Variants in SGCZ observed in about 807,000 individuals in gnomAD.
SGCZ encodes zeta-sarcoglycan.
In SGCZ, 40 loss-of-function variants were observed where a neutral mutation model predicts 41.3. The observed-to-expected ratio is 0.97, with a 90% CI of 0.75 to 1.26. The LOEUF is 1.26. SGCZ is among the 50% of genes most tolerant of loss of function. SGCZ has a pLI of 0.00. For synonymous variants in SGCZ, 206 were observed against 137.5 expected (o/e 1.50, Z -3.49); for missense variants, 552 against 369.8 (o/e 1.49, Z -4.04).
At chr8:15,090,241 T>G (rs1806107606) in intron 1 of SGCZ, among the ~76,000 whole-genome samples, 1 of 152,214 alleles carries the variant, frequency 6.6e-6, no homozygotes, top group Admixed American at 6.5e-5. Context: ...ATCTGAAAGT[T>G]TTAAGACATG....
At chr8:14,904,394 T>C (rs955397170) in intron 1 of SGCZ, among the ~76,000 whole-genome samples, 7 of 152,072 alleles carry the variant, frequency 4.6e-5, no homozygotes, top group Admixed American at 2.6e-4. Context: ...CAGTTCAATA[T>C]AGCACGCAAA....
At chr8:14,626,627 A>G (rs1182511931) in intron 1 of SGCZ, among the ~76,000 whole-genome samples, 1 of 152,158 alleles carries the variant, frequency 6.6e-6, no homozygotes, top group Non-Finnish European at 1.5e-5. Context: ...TCATAAAAAG[A>G]TGAAATTTGA....
chr8:14,749,501 A>G (rs1400240276), intron 1 of SGCZ, among the ~76,000 whole-genome samples: 1 of 152,214 alleles, frequency 6.6e-6, no homozygotes, highest in African/African-American at 2.4e-5. Flanking sequence ...TTAGCAGAGA[A>G]CTATCAGGAT....
Position 14,671,342 on chromosome 8 carries a change from C to T in SGCZ, c.40-116416G>A, listed in dbSNP as rs1188877253. Among the ~76,000 whole-genome samples, 5 of 152,178 alleles carry T rather than the reference C, an allele frequency of 3.3e-5. No individual in the cohort carries two copies. The East Asian group carries it at 9.7e-4, about 29-fold the overall frequency. On this transcript the variant is annotated intron_variant, in intron 1 of 7. Coordinates refer to ENST00000382080, the MANE Select transcript of SGCZ (RefSeq NM_139167.4). ...AGACCTAAGTTATTTAAAGGAGTTT[C>T]TTATCAGGTGTTAAAACCCTTTTAT...
intron 2 of SGCZ, among the ~76,000 whole-genome samples, chr8:14,511,725 A>T (rs1802473719): frequency 1.3e-5 from 2 of 152,150 alleles, no homozygotes; most frequent in African/African-American, 4.8e-5. Context: ...TCCTATAATT[A>T]AATTAATCCA....
chr8:14,973,104 A>C (rs1309471304), intron 1 of SGCZ, among the ~76,000 whole-genome samples: 3 of 152,162 alleles, frequency 2.0e-5, no homozygotes, highest in Admixed American at 1.3e-4. Context: ...TACAGTTCTT[A>C]AATAATTTAC....
intron 1 of SGCZ, among the ~76,000 whole-genome samples, chr8:14,576,359 A>G (rs149184339): frequency 3.9e-5 from 6 of 152,316 alleles, no homozygotes; most frequent in African/African-American, 1.4e-4. Flanking sequence ...GGGAAAAAAA[A>G]CTGAGTTTTA....
In SGCZ at chr8:14,561,601, G is replaced by A. The variant is rs200663810; in HGVS notation, c.40-6675C>T. Among the ~76,000 whole-genome samples, 3 of 151,996 alleles carry A rather than the reference G, an allele frequency of 2.0e-5. No homozygotes were observed. In the East Asian group the frequency reaches 5.8e-4, roughly 29 times the overall value. On this transcript the variant is annotated intron_variant, in intron 1 of 7. Coordinates refer to ENST00000382080, the MANE Select transcript of SGCZ (RefSeq NM_139167.4). ...TCATATCACATTTTATGTTTAAAAA[G>A]CATTCATTAGAATCAAATGACTTCT... is the stretch of plus-strand genomic sequence containing the variant.
rs145607425 is a variant in SGCZ at position 14,647,477 on chromosome 8, G to T, written c.40-92551C>A. ...CATATTTCTAGCTGTCTAACAAATC[G>T]CTGTGAATATATAAAATAAAACATA... is the stretch of plus-strand genomic sequence containing the variant. On this transcript the variant is annotated intron_variant, in intron 1 of 7. Coordinates refer to ENST00000382080, the MANE Select transcript of SGCZ (RefSeq NM_139167.4). 4.2e-4 allele frequency among the ~76,000 whole-genome samples: 64 copies of T among 151,982 alleles called. No individual in the cohort carries two copies. The East Asian group carries it at 0.012, about 29-fold the overall frequency.
chr8:14,196,618 A>T (rs1805275158), intron 4 of SGCZ, among the ~76,000 whole-genome samples: 1 of 152,216 alleles, frequency 6.6e-6, no homozygotes, highest in Non-Finnish European at 1.5e-5. Context: ...TAATAACTGC[A>T]ATCTGAAAAT....
chr8:14,114,288 T>C (rs1802457697), intron 5 of SGCZ, among the ~76,000 whole-genome samples: 1 of 152,074 alleles, frequency 6.6e-6, no homozygotes, highest in Non-Finnish European at 1.5e-5. Context: ...TTTCCTAGTG[T>C]ATCTCCTTGT....
At chr8:14,632,694 T>C (rs886466877) in intron 1 of SGCZ, among the ~76,000 whole-genome samples, 3 of 152,082 alleles carry the variant, frequency 2.0e-5, no homozygotes, top group Non-Finnish European at 4.4e-5. Flanking sequence ...ACACAATTCA[T>C]CTGAAATCAG....
At chr8:14,413,881 G>C (rs940763946) in intron 2 of SGCZ, among the ~76,000 whole-genome samples, 1 of 151,926 alleles carries the variant, frequency 6.6e-6, no homozygotes, top group Non-Finnish European at 1.5e-5. Context: ...GATATATCCA[G>C]TCATCTAGAA....
intron 3 of SGCZ, among the ~76,000 whole-genome samples, chr8:14,274,192 T>A (rs1366449113): frequency 6.6e-6 from 1 of 152,150 alleles, no homozygotes; most frequent in Admixed American, 6.6e-5. Context: ...CAAACGGTAA[T>A]GAAGTAAATT....
At chr8:14,194,430 G>T (rs967165582) in intron 4 of SGCZ, among the ~76,000 whole-genome samples, 3 of 151,792 alleles carry the variant, frequency 2.0e-5, no homozygotes, top group African/African-American at 7.3e-5. Flanking sequence ...TAATTAATAA[G>T]AGTACTATAT....
intron 2 of SGCZ, among the ~76,000 whole-genome samples, chr8:14,524,386 C>T (rs996240796): frequency 6.6e-6 from 1 of 151,922 alleles, no homozygotes; most frequent in Non-Finnish European, 1.5e-5. Flanking sequence ...TAGGCTAGGT[C>T]TCCAGTGACA....
chr8:15,167,717 T>A (rs1242337101), intron 1 of SGCZ, among the ~76,000 whole-genome samples: 1 of 152,186 alleles, frequency 6.6e-6, no homozygotes, highest in African/African-American at 2.4e-5. Context: ...CAAATTATAT[T>A]TCAAACTTAT....
At chr8:15,178,274 C>A (rs1446952786) in intron 1 of SGCZ, among the ~76,000 whole-genome samples, 1 of 152,000 alleles carries the variant, frequency 6.6e-6, no homozygotes, top group East Asian at 1.9e-4. Context: ...AAGAGCATTA[C>A]ATTTTTCTAT....
chr8:14,161,730 A>G (rs956231650), intron 5 of SGCZ, among the ~76,000 whole-genome samples: 1 of 152,212 alleles, frequency 6.6e-6, no homozygotes, highest in Non-Finnish European at 1.5e-5. Flanking sequence ...TGTCTGAGAT[A>G]ATTGGAAAAT....
Sources: allele counts gnomAD v4.1 joint callset (sites outside exome capture counted in the v4.1 genomes callset), GRCh38; gene constraint gnomAD v4.1.1; transcripts MANE v1.5; gene names NCBI Gene and HGNC (gene_info 2026-07-23, HGNC 2026-07-21).